BCAS3: variants seen among roughly 807,000 people sequenced by gnomAD.
The protein encoded by BCAS3 is BCAS3 microtubule associated cell migration factor.
Under a neutral mutation model 116.1 loss-of-function variants are expected in BCAS3, and 53 were observed. The observed-to-expected ratio is 0.46, with a 90% confidence interval of 0.37 to 0.57. The LOEUF (loss-of-function observed/expected upper bound fraction) is 0.57. Ranked by LOEUF, BCAS3 falls within the 20% of genes least tolerant of loss-of-function variation. BCAS3 has a pLI of 0.00. For missense variants in BCAS3, 917 were observed against 1,165.4 expected (o/e 0.79, Z 3.10); for synonymous variants, 391 against 408.2 (o/e 0.96, Z 0.51).
At chr17:60,749,298 G>A (rs532363257) in intron 6 of BCAS3, among the ~76,000 whole-genome samples, 1 of 152,294 alleles carries the variant, frequency 6.6e-6, no homozygotes, top group South Asian at 2.1e-4. Context: ...GAAGGCATTG[G>A]TGTAACATTA....
At chr17:61,308,359 C>T (rs1447655106) in intron 22 of BCAS3, among the ~76,000 whole-genome samples, 5 of 150,274 alleles carry the variant, frequency 3.3e-5, no homozygotes. Flanking sequence ...CCCCCAACCC[C>T]CATCCCACTC....
At chr17:60,715,350 T>C (rs909429224) in intron 5 of BCAS3, among the ~76,000 whole-genome samples, 5 of 152,036 alleles carry the variant, frequency 3.3e-5, no homozygotes, top group Admixed American at 6.6e-5. Flanking sequence ...TTGGCCAGGC[T>C]GGTTTCAAAC....
intron 22 of BCAS3, among the ~76,000 whole-genome samples, chr17:61,110,207 T>TA (rs1289425579): frequency 6.6e-6 from 1 of 152,194 alleles, no homozygotes; most frequent in African/African-American, 2.4e-5. Flanking sequence ...GAAGAGTTTT[T>TA]ATGTATAGTT....
chr17:60,858,064 C>G (rs990814404), intron 7 of BCAS3, among the ~76,000 whole-genome samples: 5 of 151,966 alleles, frequency 3.3e-5, no homozygotes, highest in Non-Finnish European at 7.4e-5. Context: ...TTTTTCCCCT[C>G]CTAGTTGGTC....
chr17:61,091,268 A>G (rs1221982019), intron 22 of BCAS3, among the ~76,000 whole-genome samples: 1 of 152,204 alleles, frequency 6.6e-6, no homozygotes, highest in African/African-American at 2.4e-5. Context: ...TTGATATAGT[A>G]GGGTTCCACA....
rs992969535 is a variant in BCAS3, at chr17:61,196,108, G to A, written c.2425+111544G>A. Among the ~76,000 whole-genome samples, 3 of 152,170 alleles carry A rather than the reference G, an allele frequency of 2.0e-5. No individual in the cohort carries two copies. Among genetic ancestry groups the A allele is most frequent in the Non-Finnish European group, 2.9e-5 (2 of 68,026 alleles). Reference sequence around the variant, plus strand: ...TTGCAGATCTATCTAGACAACTTCTGAGGTTTATTCAAGCCTCATTTGTTG... The same window carrying A: ...TTGCAGATCTATCTAGACAACTTCTAAGGTTTATTCAAGCCTCATTTGTTG... On this transcript the variant is annotated intron_variant, in intron 22 of 23. Coordinates refer to ENST00000407086, the MANE Select transcript of BCAS3 (RefSeq NM_017679.5). The surrounding 1 kb of genome is among the most constrained non-coding windows in gnomAD (Gnocchi z 4.7).
At position 61,387,935 on chromosome 17, in the gene BCAS3, T is replaced by C. The variant is rs867937456; in HGVS notation, c.2594-4042T>C. Among the ~76,000 whole-genome samples, 2 of 152,260 alleles carry C rather than the reference T, an allele frequency of 1.3e-5. No individual in the cohort carries two copies. The highest frequency in any genetic ancestry group is 4.8e-5 in the African/African-American group (2 of 41,550). ...GTCTAGCCACTTGCCTGGAAGCCAC[T>C]CCTCCTCTCCTGCCCTACTTTGGGG... is the stretch of plus-strand genomic sequence containing the variant. On this transcript the variant is annotated intron_variant, in intron 23 of 23. Coordinates refer to ENST00000407086, the MANE Select transcript of BCAS3 (RefSeq NM_017679.5). This position sits in a 1 kb window ranked among gnomAD's most constrained non-coding sequence, Gnocchi z 6.2.
rs1193651292 is a variant in BCAS3, at chr17:61,366,627, A to G, written c.2426-1700A>G. ...TTCCAGAGCCTAGCTTACCAGATCT[A>G]CAGCCTGACCCTACTTGATGGAGAG... On this transcript the variant is annotated intron_variant, in intron 22 of 23. Transcript: ENST00000407086. The surrounding 1 kb of genome is among the most constrained non-coding windows in gnomAD (Gnocchi z 4.5). 2.0e-5 allele frequency among the ~76,000 whole-genome samples: 3 copies of G among 152,158 alleles called. No homozygotes were observed. The highest frequency in any genetic ancestry group is 1.9e-4 in the East Asian group (1 of 5,190).
chr17:60,764,114 A>G (rs189198596), intron 6 of BCAS3, among the ~76,000 whole-genome samples: 2 of 150,792 alleles, frequency 1.3e-5, no homozygotes, highest in African/African-American at 4.9e-5. Context: ...TTGCTAGTCT[A>G]TCAATTTTGT....
intron 18 of BCAS3, among the ~76,000 whole-genome samples, chr17:61,038,333 A>G (rs1168135730): frequency 6.8e-6 from 1 of 146,506 alleles, no homozygotes; most frequent in Non-Finnish European, 1.5e-5. Context: ...GCTGGAGTGC[A>G]GTGGCGCGAT....
rs974178094 is a variant in BCAS3 at position 60,962,781 on chromosome 17, A to G, written c.1221+15429A>G. Among the ~76,000 whole-genome samples the G allele has an allele frequency of 2.6e-5, 4 of 152,106 alleles. No homozygotes were observed. Among genetic ancestry groups the G allele is most frequent in the African/African-American group, 7.2e-5 (3 of 41,424 alleles). On this transcript the variant is annotated intron_variant, in intron 14 of 23. Coordinates refer to ENST00000407086, the MANE Select transcript of BCAS3 (RefSeq NM_017679.5). This position sits in a 1 kb window ranked among gnomAD's most constrained non-coding sequence, Gnocchi z 4.4. ...TTTGTCTATTTTGCTTTGGTTGTCT[A>G]GGTTTTGAGGTCTTACACAAAAAGG...
chr17:61,276,851 T>C lies in BCAS3; in HGVS notation c.2426-91476T>C, dbSNP rs901813044. Among the ~76,000 whole-genome samples the C allele has an allele frequency of 6.6e-6, 1 of 152,190 alleles. No homozygotes were observed. The highest frequency in any genetic ancestry group is 2.1e-4 in the South Asian group (1 of 4,824). On this transcript the variant is annotated intron_variant, in intron 22 of 23. Transcript: ENST00000407086. The surrounding 1 kb of genome is among the most constrained non-coding windows in gnomAD (Gnocchi z 4.2). ...AGACAGTGTGGTACTGGCATAAGGA[T>C]AGACATATACCATAATGGAATAGAA...
chr17:61,117,045 G>A (rs908023806), intron 22 of BCAS3, among the ~76,000 whole-genome samples: 1 of 152,032 alleles, frequency 6.6e-6, no homozygotes, highest in African/African-American at 2.4e-5. Flanking sequence ...TTAAAAGTGT[G>A]GATATTATTC....
intron 19 of BCAS3, among the ~76,000 whole-genome samples, chr17:61,058,247 G>A (rs762865089): frequency 2.0e-4 from 30 of 152,290 alleles, no homozygotes; most frequent in Non-Finnish European, 2.2e-4. Context: ...GTTGTCATAG[G>A]ATAGGAGACT....
At chr17:60,811,631 T>C (rs996880626) in intron 7 of BCAS3, among the ~76,000 whole-genome samples, 1 of 152,198 alleles carries the variant, frequency 6.6e-6, no homozygotes, top group African/African-American at 2.4e-5. Flanking sequence ...ATGAACTATG[T>C]ATAAAGAATT....
At chr17:61,271,084 T>G (rs1399466241) in intron 22 of BCAS3, among the ~76,000 whole-genome samples, 2 of 150,690 alleles carry the variant, frequency 1.3e-5, no homozygotes, top group African/African-American at 4.9e-5. Flanking sequence ...ACATTTTCAG[T>G]TTTTTGTACA....
chr17:60,762,833 A>G (rs1598529377), intron 6 of BCAS3, among the ~76,000 whole-genome samples: 1 of 151,904 alleles, frequency 6.6e-6, no homozygotes, highest in East Asian at 1.9e-4. Context: ...ATCCATGAGC[A>G]TGGAATGTTC....
At chr17:60,872,064 T>C (rs2055153972) in intron 8 of BCAS3, among the ~76,000 whole-genome samples, 1 of 152,076 alleles carries the variant, frequency 6.6e-6, no homozygotes, top group African/African-American at 2.4e-5. Context: ...TAATAATATA[T>C]CCATTTCAGC....
At chr17:60,841,964 G>A (rs74906147) in intron 7 of BCAS3, among the ~76,000 whole-genome samples, 4,598 of 152,174 alleles carry the variant, frequency 0.03, 180 homozygotes, top group East Asian at 0.091. Context: ...GTAGCCTTTC[G>A]AGGTGCTGGA....
Sources: gnomAD v4.1 joint callset for allele counts (sites outside exome capture counted in the v4.1 genomes callset) on GRCh38, gnomAD v4.1.1 for gene constraint, Gnocchi (gnomAD v3.1) non-coding constraint, MANE v1.5 for transcripts, NCBI Gene and HGNC (gene_info 2026-07-23, HGNC 2026-07-21) for gene names.